FNDC3B: variants seen among roughly 807,000 people sequenced by gnomAD.
FNDC3B encodes the protein fibronectin type III domain containing 3B.
In FNDC3B, 12 loss-of-function variants were observed where a neutral mutation model predicts 151.5. The observed-to-expected ratio is 0.08, with a 90% CI of 0.05 to 0.13. The LOEUF (loss-of-function observed/expected upper bound fraction) is 0.13, where lower values mean the gene tolerates loss of function less well. Ranked by LOEUF, FNDC3B falls within the 10% of genes least tolerant of loss-of-function variation. The probability of loss-of-function intolerance (pLI) is 1.00; values close to 1 mark genes in which losing one functional copy is unlikely to be tolerated. For synonymous variants in FNDC3B, 528 were observed against 549.0 expected (o/e 0.96, Z 0.54); for missense variants, 1,214 against 1,505.3 (o/e 0.81, Z 3.20).
At chr3:172,199,057 G>A (rs181716556) in intron 3 of FNDC3B, among the ~76,000 whole-genome samples, 14 of 152,192 alleles carry the variant, frequency 9.2e-5, no homozygotes, top group African/African-American at 3.4e-4. Flanking sequence ...TTAAACTCCT[G>A]GCCTCAAATG....
At chr3:172,053,976 G>T (rs1231283991) in intron 1 of FNDC3B, among the ~76,000 whole-genome samples, 1 of 152,114 alleles carries the variant, frequency 6.6e-6, no homozygotes, top group African/African-American at 2.4e-5. Flanking sequence ...AGTTGGTTAA[G>T]AAATGGTAGT....
intron 25 of FNDC3B, among the ~76,000 whole-genome samples, chr3:172,392,810 C>CTTTCTTTTTTTTTTTTTTTTTTTTTT (rs1491505881): frequency 1.0e-5 from 1 of 99,874 alleles, no homozygotes; most frequent in African/African-American, 3.6e-5. Flanking sequence ...TTTTTTTTTT[C>CTTTCTTTTTTTTTTTTTTTTTTTTTT]TTTTTTTTTT....
intron 2 of FNDC3B, among the ~76,000 whole-genome samples, chr3:172,122,337 G>A (rs1225233862): frequency 6.6e-6 from 1 of 152,046 alleles, no homozygotes; most frequent in Non-Finnish European, 1.5e-5. Flanking sequence ...AGCCTGCCAA[G>A]GAGCCAGTTG....
At chr3:172,381,237 TTCAG>T (rs1735422243) in intron 25 of FNDC3B, 144 bp downstream of exon 25, 1 of 861,440 alleles carries the variant, frequency 1.2e-6, no homozygotes, top group Admixed American at 3.0e-5. Context: ...TGTATAATTC[TTCAG>T]AGTGGGTGAA....
intron 7 of FNDC3B, among the ~76,000 whole-genome samples, chr3:172,291,379 C>T (rs1253154054): frequency 2.0e-5 from 3 of 151,046 alleles, no homozygotes; most frequent in Admixed American, 6.6e-5. Context: ...TGCAGACTTA[C>T]ACTAGTAACC....
chr3:172,327,235 C>T (rs954826484), intron 11 of FNDC3B, among the ~76,000 whole-genome samples: 1 of 152,198 alleles, frequency 6.6e-6, no homozygotes, highest in African/African-American at 2.4e-5. Context: ...ACTCGGCCAC[C>T]AAGTTGCATC....
At chr3:172,235,990 C>T (rs1199392208) in intron 4 of FNDC3B, among the ~76,000 whole-genome samples, 1 of 152,212 alleles carries the variant, frequency 6.6e-6, no homozygotes, top group Non-Finnish European at 1.5e-5. Context: ...CTGCTGATAG[C>T]TTTATTCACA....
At chr3:172,136,064 C>A (rs1721347019) in intron 3 of FNDC3B, among the ~76,000 whole-genome samples, 2 of 152,190 alleles carry the variant, frequency 1.3e-5, no homozygotes, top group Non-Finnish European at 2.9e-5. Flanking sequence ...GTCGAAAAGT[C>A]ACAAAGCTAG....
chr3:172,072,728 G>A (rs182563832), intron 1 of FNDC3B, among the ~76,000 whole-genome samples: 5 of 152,266 alleles, frequency 3.3e-5, no homozygotes, highest in African/African-American at 1.2e-4. Context: ...GCCAAAAGCA[G>A]CCATTAAGAA....
At chr3:172,286,371 A>G (rs1265337137) in intron 7 of FNDC3B, among the ~76,000 whole-genome samples, 1 of 152,168 alleles carries the variant, frequency 6.6e-6, no homozygotes, top group East Asian at 1.9e-4. Flanking sequence ...AGTAAACTTC[A>G]AAAAGATATT....
rs1375772257 is a variant in FNDC3B at position 172,040,299 on chromosome 3, G to T, written c.-29+528G>T. Among the ~76,000 whole-genome samples, 1 of 152,004 alleles carries T rather than the reference G, an allele frequency of 6.6e-6. No individual in the cohort carries two copies. Among genetic ancestry groups the T allele is most frequent in the Non-Finnish European group, 1.5e-5 (1 of 67,976 alleles). ...AGGGCGGGAGTGCGAAGTGGGGCTG[G>T]AAGTTGGGGCCGCCTCTCCGCGCCG... On this transcript the variant is annotated intron_variant, in intron 1 of 25. Coordinates refer to ENST00000415807, the MANE Select transcript of FNDC3B (RefSeq NM_022763.4). The surrounding 1 kb of genome is among the most constrained non-coding windows in gnomAD (Gnocchi z 6.6).
At chr3:172,057,446 T>C (rs940710070) in intron 1 of FNDC3B, among the ~76,000 whole-genome samples, 1 of 152,232 alleles carries the variant, frequency 6.6e-6, no homozygotes, top group Non-Finnish European at 1.5e-5. Context: ...TGTCAATCAA[T>C]AGAAGAGTTT....
At chr3:172,239,703 T>G (rs1314783720) in intron 4 of FNDC3B, among the ~76,000 whole-genome samples, 1 of 149,628 alleles carries the variant, frequency 6.7e-6, no homozygotes, top group Non-Finnish European at 1.5e-5. Context: ...CTTCAGGAAG[T>G]GAGGAGTTTA....
At chr3:172,378,161 G>T in intron 23 of FNDC3B, 109 bp from the exon 24 acceptor site, 1 of 798,862 alleles carries the variant, frequency 1.3e-6, no homozygotes, top group South Asian at 2.1e-5. Flanking sequence ...AGAATGTATG[G>T]AAAGCGTTTA....
At chr3:172,131,081 C>A (rs1721068895) in intron 2 of FNDC3B, among the ~76,000 whole-genome samples, 1 of 152,110 alleles carries the variant, frequency 6.6e-6, no homozygotes, top group Admixed American at 6.6e-5. Context: ...AAAGAAATGA[C>A]TTTAAAAGCT....
intron 1 of FNDC3B, among the ~76,000 whole-genome samples, chr3:172,112,159 C>A (rs890092113): frequency 6.6e-5 from 10 of 152,164 alleles, no homozygotes; most frequent in Non-Finnish European, 1.3e-4. Context: ...GGAATAGAAA[C>A]AACGGAATCT....
intron 22 of FNDC3B, among the ~76,000 whole-genome samples, chr3:172,361,984 T>TTATA (rs1311620467): frequency 6.6e-6 from 1 of 152,176 alleles, no homozygotes; most frequent in Non-Finnish European, 1.5e-5. Flanking sequence ...AAATAACATT[T>TTATA]TATATATACA....
chr3:172,349,258 C>T (rs546891741), intron 21 of FNDC3B, among the ~76,000 whole-genome samples: 3 of 152,216 alleles, frequency 2.0e-5, no homozygotes, highest in East Asian at 3.9e-4. Context: ...CCAGCGTGGG[C>T]GACAGAGTGA....
At chr3:172,262,168 G>GA (rs1560045346) in intron 6 of FNDC3B, among the ~76,000 whole-genome samples, 1 of 152,072 alleles carries the variant, frequency 6.6e-6, no homozygotes, top group Non-Finnish European at 1.5e-5. Context: ...GATAATTTGG[G>GA]AAAAAAATGG....
Sources: allele counts gnomAD v4.1 joint callset (sites outside exome capture counted in the v4.1 genomes callset), GRCh38; gene constraint gnomAD v4.1.1; non-coding constraint Gnocchi (gnomAD v3.1); transcripts MANE v1.5; gene names NCBI Gene and HGNC (gene_info 2026-07-23, HGNC 2026-07-21).